The following BEND7 variants were observed in gnomAD, a reference collection of about 807,000 sequenced individuals.
BEND7 encodes the protein BEN domain containing 7.
In BEND7, 28 loss-of-function variants were observed where a neutral mutation model predicts 50.9. That is an observed-to-expected ratio of 0.55 (90% CI 0.41 to 0.75). The LOEUF is 0.75. Among genes scored for constraint, BEND7 ranks in the 30% least tolerant of loss-of-function variants. The pLI is 0.00. For missense variants in BEND7, 477 were observed against 491.3 expected (o/e 0.97, Z 0.28); for synonymous variants, 170 against 183.9 (o/e 0.92, Z 0.61).
chr10:13,439,161 G>T, downstream of BEND7: 2 of 1,590,760 alleles, frequency 1.3e-6, no homozygotes, highest in South Asian at 1.1e-5. Context: ...ACATAAATAA[G>T]CAAGATAATT....
chr10:13,486,053 T>C (rs895084342), intron 5 of BEND7, among the ~76,000 whole-genome samples: 1 of 152,112 alleles, frequency 6.6e-6, no homozygotes, highest in Non-Finnish European at 1.5e-5. Flanking sequence ...TAAATAAAAA[T>C]TTTTTCGTAG....
At chr10:13,517,246 ATT>A (rs34167765) in intron 2 of BEND7, among the ~76,000 whole-genome samples, 1 of 147,040 alleles carries the variant, frequency 6.8e-6, no homozygotes, top group Non-Finnish European at 1.5e-5. Flanking sequence ...TTTTTGTAGA[ATT>A]TTTTTTTTTG....
At chr10:13,483,208 T>TA (rs756718805) in intron 5 of BEND7, among the ~76,000 whole-genome samples, 1 of 152,126 alleles carries the variant, frequency 6.6e-6, no homozygotes, top group Non-Finnish European at 1.5e-5. Flanking sequence ...ATTAAACAGG[T>TA]ACTTAAAACG....
chr10:13,454,711 A>AT (rs1417154788), intron 6 of BEND7, among the ~76,000 whole-genome samples: 13 of 151,080 alleles, frequency 8.6e-5, no homozygotes, highest in Admixed American at 2.0e-4. Context: ...GCTGCATTGA[A>AT]TTTTTTTTTT....
At chr10:13,450,324 CTGTT>C (rs920489214) in intron 7 of BEND7, among the ~76,000 whole-genome samples, 2 of 152,144 alleles carry the variant, frequency 1.3e-5, no homozygotes, top group African/African-American at 4.8e-5. Flanking sequence ...CTATGAGACA[CTGTT>C]TGTATTATCA....
intron 6 of BEND7, among the ~76,000 whole-genome samples, chr10:13,454,275 GGA>G (rs2131094199): frequency 6.6e-6 from 1 of 152,274 alleles, no homozygotes; most frequent in Admixed American, 6.5e-5. Context: ...CCTGGTTCCA[GGA>G]CCCCCAGCAG....
chr10:13,466,357 T>G (rs10906380), intron 6 of BEND7, among the ~76,000 whole-genome samples: 1 of 151,770 alleles, frequency 6.6e-6, no homozygotes, highest in Non-Finnish European at 1.5e-5. Flanking sequence ...GTTAGGAGTT[T>G]GAGACCAGCC....
At chr10:13,510,751 G>T (rs1221602994) in intron 2 of BEND7, among the ~76,000 whole-genome samples, 1 of 152,020 alleles carries the variant, frequency 6.6e-6, no homozygotes, top group Non-Finnish European at 1.5e-5. Flanking sequence ...TAGGTTAAGT[G>T]AAAAAAGTTG....
downstream of BEND7, chr10:13,438,492 A>G (rs1835018308): frequency 6.6e-6 from 1 of 152,118 alleles, no homozygotes; most frequent in Non-Finnish European, 1.5e-5. Flanking sequence ...TCATTTAAAC[A>G]TTCTTTTTAA....
At chr10:13,488,296 A>G (rs2076389946) in intron 5 of BEND7, among the ~76,000 whole-genome samples, 1 of 151,792 alleles carries the variant, frequency 6.6e-6, no homozygotes, top group Non-Finnish European at 1.5e-5. Context: ...TGTTTCACCA[A>G]GCTGAAAAAC....
intron 6 of BEND7, among the ~76,000 whole-genome samples, chr10:13,463,561 AT>A (rs2073932988): frequency 6.6e-6 from 1 of 152,208 alleles, no homozygotes; most frequent in Non-Finnish European, 1.5e-5. Flanking sequence ...ATTGAATTAA[AT>A]CTCTACCTCA....
chr10:13,527,977 G>A, intron 1 of BEND7: 2 of 301,334 alleles, frequency 6.6e-6, no homozygotes, highest in Non-Finnish European at 9.8e-6. Flanking sequence ...AGCTAGAGAT[G>A]TTGGATGTCA....
chr10:13,476,531 GA>G (rs1208881127), intron 6 of BEND7, among the ~76,000 whole-genome samples: 1 of 144,352 alleles, frequency 6.9e-6, no homozygotes, highest in Non-Finnish European at 1.5e-5. Context: ...CTATGAAGTC[GA>G]ATTAAAAATC....
chr10:13,473,272 C>G (rs947482520), intron 6 of BEND7, among the ~76,000 whole-genome samples: 1 of 150,678 alleles, frequency 6.6e-6, no homozygotes, highest in Non-Finnish European at 1.5e-5. Flanking sequence ...GGGCCGATAT[C>G]GTCATCGCTG....
intron 2 of BEND7, among the ~76,000 whole-genome samples, chr10:13,516,115 G>A (rs2078651984): frequency 6.6e-6 from 1 of 152,208 alleles, no homozygotes; most frequent in Non-Finnish European, 1.5e-5. Context: ...GTTATTAAGA[G>A]TCTACTCTGC....
At chr10:13,506,306 C>T (rs1428345734) in intron 2 of BEND7, among the ~76,000 whole-genome samples, 1 of 152,182 alleles carries the variant, frequency 6.6e-6, no homozygotes, top group Non-Finnish European at 1.5e-5. Flanking sequence ...TTCATTCTCC[C>T]TTCCTTTGAG....
chr10:13,482,069 C>G (rs2075902957), intron 5 of BEND7, among the ~76,000 whole-genome samples: 1 of 152,208 alleles, frequency 6.6e-6, no homozygotes, highest in Non-Finnish European at 1.5e-5. Context: ...TCTGTTCCTG[C>G]TGTTCATTTA....
chr10:13,476,609 A>C (rs2075461811), intron 6 of BEND7, among the ~76,000 whole-genome samples: 3 of 152,206 alleles, frequency 2.0e-5, no homozygotes, highest in Admixed American at 2.0e-4. Context: ...CAGGGATTCA[A>C]AGATTCTATC....
At chr10:13,438,951 C>A (rs1299471937), downstream of BEND7, 1 of 517,980 alleles carries the variant, frequency 1.9e-6, no homozygotes. Context: ...ACTGGCAGCA[C>A]TGGGAGGCCA....
Sources: allele counts gnomAD v4.1 joint callset (sites outside exome capture counted in the v4.1 genomes callset), GRCh38; gene constraint gnomAD v4.1.1; transcripts MANE v1.5; gene names NCBI Gene and HGNC (gene_info 2026-07-23, HGNC 2026-07-21).